The following ATP8A1 variants were observed in gnomAD, a reference collection of about 807,000 sequenced individuals.
ATP8A1 encodes ATPase phospholipid transporting 8A1.
Under a neutral mutation model 177.7 loss-of-function variants are expected in ATP8A1, and 90 were observed. The ratio of observed to expected loss-of-function variants is 0.51; its 90% CI spans 0.43 to 0.60. ATP8A1 has a LOEUF of 0.60. ATP8A1 is among the 20% of genes least tolerant of loss of function. The pLI, the probability that ATP8A1 is intolerant of heterozygous loss-of-function variation, is 0.00. For synonymous variants in ATP8A1, 493 were observed against 485.9 expected, an observed-to-expected ratio of 1.01 and a Z score of -0.19; for missense variants, 1,072 against 1,392.8, an observed-to-expected ratio of 0.77 and a Z score of 3.67.
At chr4:42,627,960 G>A (rs894674090) in intron 1 of ATP8A1, among the ~76,000 whole-genome samples, 6 of 152,138 alleles carry the variant, frequency 3.9e-5, no homozygotes, top group Admixed American at 6.6e-5. Flanking sequence ...TAGGTAAAAC[G>A]TCTTTGGGTT....
chr4:42,412,826 G>T lies in ATP8A1; in HGVS notation c.*90C>A. ...CTCAGATCTACCTTTCCTCTTCATG[G>T]ACCAGACTGGAATTGGTTAGCAGAC... On this transcript the variant is annotated 3_prime_UTR_variant, in exon 37 of 37. Coordinates refer to ENST00000381668, the MANE Select transcript of ATP8A1 (RefSeq NM_006095.2). The T allele has an allele frequency of 9.5e-7, 1 of 1,048,644 alleles. No individual in the cohort carries two copies. Among genetic ancestry groups the T allele is most frequent in the African/African-American group, 1.6e-5 (1 of 63,470 alleles). The allele number at this position is 1,048,644 out of a possible 1,614,324, so 65.0% of individuals were successfully genotyped here.
At chr4:42,576,415 G>A (rs988270200) in intron 12 of ATP8A1, among the ~76,000 whole-genome samples, 2 of 132,452 alleles carry the variant, frequency 1.5e-5, no homozygotes, top group Non-Finnish European at 3.1e-5. Flanking sequence ...GGCAAAGCTC[G>A]CAGTGAGCCT....
At chr4:42,435,151 C>T (rs558367221) in intron 33 of ATP8A1, among the ~76,000 whole-genome samples, 3 of 152,118 alleles carry the variant, frequency 2.0e-5, no homozygotes, top group Non-Finnish European at 2.9e-5. Context: ...GTTGGCTGGG[C>T]GTGGTGGCTC....
At chr4:42,555,111 ATCT>A (rs1729948787) in intron 16 of ATP8A1, among the ~76,000 whole-genome samples, 38 of 94,458 alleles carry the variant, frequency 4.0e-4, no homozygotes, top group African/African-American at 1.6e-3. Flanking sequence ...CTATCTATCT[ATCT>A]ATCTATCTAT....
Position 42,455,614 on chromosome 4 carries a change from C to G in ATP8A1, c.2620-15G>C, listed in dbSNP as rs1419364735. 6.2e-7 allele frequency: 1 copy of G among 1,608,014 alleles called. No homozygotes were observed. The highest frequency in any genetic ancestry group is 1.1e-5 in the South Asian group (1 of 89,980). Reference sequence around the variant, plus strand: ...GCAAACCAGATCTAGGAAAAAAAACCCAAAACCCCCAAATTAGAATACAAA... The same window carrying G: ...GCAAACCAGATCTAGGAAAAAAAACGCAAAACCCCCAAATTAGAATACAAA... On this transcript the variant is annotated splice_polypyrimidine_tract_variant and intron_variant, in intron 27 of 36. Coordinates refer to ENST00000381668, the MANE Select transcript of ATP8A1 (RefSeq NM_006095.2).
intron 35 of ATP8A1, 35 bp downstream of exon 35, chr4:42,422,772 C>A: frequency 6.6e-7 from 1 of 1,519,630 alleles, no homozygotes; most frequent in South Asian, 1.1e-5. Flanking sequence ...ATTTAAAGTT[C>A]ATTTGGAAAA....
intron 6 of ATP8A1, among the ~76,000 whole-genome samples, chr4:42,592,616 C>G (rs977248921): frequency 9.9e-5 from 15 of 152,050 alleles, no homozygotes; most frequent in African/African-American, 3.6e-4. Flanking sequence ...TATATACAGT[C>G]ACGTGACAAT....
At position 42,593,415 on chromosome 4, in the gene ATP8A1, T is replaced by A. The variant is rs138454043; in HGVS notation, c.451-2531A>T. Among the ~76,000 whole-genome samples, 497 of 152,202 alleles carry A rather than the reference T, an allele frequency of 3.3e-3. 1 individual carries two copies. The highest frequency in any genetic ancestry group is 5.1e-3 in the Non-Finnish European group (346 of 67,946). On this transcript the variant is annotated intron_variant, in intron 6 of 36. Coordinates refer to ENST00000381668, the MANE Select transcript of ATP8A1 (RefSeq NM_006095.2). ...ACAAAATTATAGAAATATAACTACC[T>A]GCAGTTACTTTAATTGGTTGTAGAC... is the stretch of plus-strand genomic sequence containing the variant.
chr4:42,636,100 A>G (rs1739307751), intron 1 of ATP8A1, among the ~76,000 whole-genome samples: 1 of 127,534 alleles, frequency 7.8e-6, no homozygotes, highest in South Asian at 2.7e-4. Context: ...AGTTCTCCAA[A>G]GGAAAGCAAT....
At chr4:42,493,136 T>C (rs1722894249) in intron 24 of ATP8A1, among the ~76,000 whole-genome samples, 1 of 152,074 alleles carries the variant, frequency 6.6e-6, no homozygotes. Context: ...TGTGAGAAAG[T>C]CCAGGCTGGC....
chr4:42,555,138 TAATC>T (rs777837025), intron 16 of ATP8A1, among the ~76,000 whole-genome samples: 2,835 of 76,610 alleles, frequency 0.037, 117 homozygotes, highest in Admixed American at 0.046. Flanking sequence ...TCTATCTATC[TAATC>T]TATCTATCTA....
At chr4:42,585,062 A>T (rs987720681) in intron 9 of ATP8A1, among the ~76,000 whole-genome samples, 3 of 152,168 alleles carry the variant, frequency 2.0e-5, no homozygotes, top group African/African-American at 7.2e-5. Flanking sequence ...CTTGAAGATC[A>T]TGTAATGACA....
chr4:42,549,339 G>C (rs564821902), intron 18 of ATP8A1, among the ~76,000 whole-genome samples: 1 of 152,282 alleles, frequency 6.6e-6, no homozygotes, highest in South Asian at 2.1e-4. Flanking sequence ...GCTTCAAAAG[G>C]GATGTCGTAA....
At chr4:42,434,093 TA>T (rs1441380124) in intron 33 of ATP8A1, among the ~76,000 whole-genome samples, 1 of 152,154 alleles carries the variant, frequency 6.6e-6, no homozygotes, top group African/African-American at 2.4e-5. Context: ...TGAAGATAAT[TA>T]AAAACATAAT....
chr4:42,446,783 AC>A (rs1717310614), intron 30 of ATP8A1, 139 bp from the exon 31 acceptor site: 3 of 684,162 alleles, frequency 4.4e-6, no homozygotes, highest in Admixed American at 2.9e-5. Flanking sequence ...AAAAAAAAAA[AC>A]AACCCCAAAC....
intron 33 of ATP8A1, among the ~76,000 whole-genome samples, chr4:42,435,618 T>C (rs1715900823): frequency 6.6e-6 from 1 of 152,170 alleles, no homozygotes; most frequent in African/African-American, 2.4e-5. Flanking sequence ...CAGTCCGCCC[T>C]CTGCCCACCT....
chr4:42,446,103 A>AAAAAAAAAAAAAAAAAAAAAAAAAAAAC (rs1717210673), intron 31 of ATP8A1, among the ~76,000 whole-genome samples: 1 of 107,880 alleles, frequency 9.3e-6, no homozygotes, highest in Non-Finnish European at 2.3e-5. Context: ...AAAAAAAGAG[A>AAAAAAAAAAAAAAAAAAAAAAAAAAAAC]AGAGATATAG....
chr4:42,497,574 C>G (rs780009539), intron 24 of ATP8A1, among the ~76,000 whole-genome samples: 4 of 152,114 alleles, frequency 2.6e-5, no homozygotes, highest in Non-Finnish European at 5.9e-5. Context: ...CTTCTCAAAA[C>G]AGACACACTA....
intron 1 of ATP8A1, among the ~76,000 whole-genome samples, chr4:42,631,692 A>ACC (rs1738751675): frequency 6.6e-6 from 1 of 152,086 alleles, no homozygotes; most frequent in Non-Finnish European, 1.5e-5. Flanking sequence ...CCCATGACTT[A>ACC]CCCCTTCCTT....
Sources: allele counts gnomAD v4.1 joint callset (sites outside exome capture counted in the v4.1 genomes callset), GRCh38; gene constraint gnomAD v4.1.1; transcripts MANE v1.5; gene names NCBI Gene and HGNC (gene_info 2026-07-23, HGNC 2026-07-21).